THSD4: variants seen among roughly 807,000 people sequenced by gnomAD.
THSD4 encodes thrombospondin type 1 domain containing 4.
In THSD4, 69 loss-of-function variants were observed where a neutral mutation model predicts 119.0. The observed-to-expected ratio is 0.58, with a 90% CI of 0.48 to 0.71. The LOEUF (loss-of-function observed/expected upper bound fraction) is 0.71. Among genes scored for constraint, THSD4 ranks in the 30% least tolerant of loss-of-function variants. The probability of loss-of-function intolerance (pLI) is 0.00; values close to 1 mark genes in which losing one functional copy is unlikely to be tolerated. For missense variants in THSD4, 1,393 were observed against 1,391.1 expected (o/e 1.00, Z -0.02); for synonymous variants, 524 against 540.4 (o/e 0.97, Z 0.42).
chr15:71,607,563 T>C (rs1183554439), intron 7 of THSD4, among the ~76,000 whole-genome samples: 3 of 152,166 alleles, frequency 2.0e-5, no homozygotes, highest in African/African-American at 7.2e-5. Context: ...ATAAGGATTA[T>C]AATTGGGGAA....
intron 7 of THSD4, among the ~76,000 whole-genome samples, chr15:71,442,250 A>G (rs1012278341): frequency 3.3e-5 from 5 of 150,788 alleles, no homozygotes; most frequent in South Asian, 2.2e-4. Flanking sequence ...GAGCCACCGC[A>G]CCCAGCCCCT....
At chr15:71,201,756 G>A (rs950821419) in intron 3 of THSD4, among the ~76,000 whole-genome samples, 5 of 152,156 alleles carry the variant, frequency 3.3e-5, no homozygotes, top group East Asian at 1.9e-4. Flanking sequence ...TTCTTGGCTC[G>A]GAGCCAGGGG....
chr15:71,555,344 A>G (rs1432775148), intron 7 of THSD4, among the ~76,000 whole-genome samples: 1 of 152,236 alleles, frequency 6.6e-6, no homozygotes, highest in Non-Finnish European at 1.5e-5. Flanking sequence ...TTTTACTGAT[A>G]TATAAGATAT....
chr15:71,215,551 C>A, intron 4 of THSD4, 152 bp downstream of exon 4: 1 of 805,018 alleles, frequency 1.2e-6, no homozygotes, highest in Non-Finnish European at 1.8e-6. Flanking sequence ...CTCCACGAAG[C>A]TCCTTTCACC....
At chr15:71,330,067 G>A (rs1333775644) in intron 6 of THSD4, among the ~76,000 whole-genome samples, 2 of 150,238 alleles carry the variant, frequency 1.3e-5, no homozygotes, top group African/African-American at 5.0e-5. Flanking sequence ...GGGCCACAGA[G>A]CAAGACCTCG....
upstream of THSD4, chr15:71,113,801 C>A (rs1372224155): frequency 2.0e-5 from 3 of 152,146 alleles, no homozygotes; most frequent in East Asian, 1.9e-4. Flanking sequence ...CTTGTTTGAA[C>A]AAATCTTATT....
chr15:71,647,550 T>C (rs1485258379), intron 7 of THSD4, among the ~76,000 whole-genome samples: 1 of 152,262 alleles, frequency 6.6e-6, no homozygotes, highest in Non-Finnish European at 1.5e-5. Flanking sequence ...GAATTATCTT[T>C]ATTTAATTTC....
At chr15:71,118,903 C>T (rs903969716) in intron 1 of THSD4, among the ~76,000 whole-genome samples, 2 of 152,210 alleles carry the variant, frequency 1.3e-5, no homozygotes, top group African/African-American at 4.8e-5. Flanking sequence ...TCCTCCTCCG[C>T]AGGACCGCTG....
At chr15:71,266,986 A>G (rs1473963679) in intron 6 of THSD4, among the ~76,000 whole-genome samples, 1 of 152,188 alleles carries the variant, frequency 6.6e-6, no homozygotes, top group African/African-American at 2.4e-5. Flanking sequence ...CCTATGTTTG[A>G]TTGGTGTACC....
intron 8 of THSD4, among the ~76,000 whole-genome samples, chr15:71,721,371 G>C (rs760253617): frequency 6.6e-6 from 1 of 152,212 alleles, no homozygotes; most frequent in Non-Finnish European, 1.5e-5. Flanking sequence ...GCTGGGCATG[G>C]TGACGCCTAT....
intron 6 of THSD4, among the ~76,000 whole-genome samples, chr15:71,344,011 C>G (rs1007227131): frequency 6.7e-6 from 1 of 149,350 alleles, no homozygotes; most frequent in East Asian, 2.0e-4. Flanking sequence ...GGGTTACAGG[C>G]GTGAGCCACT....
intron 3 of THSD4, among the ~76,000 whole-genome samples, chr15:71,190,403 C>T (rs2043661087): frequency 1.3e-5 from 2 of 152,166 alleles, no homozygotes; most frequent in African/African-American, 2.4e-5. Flanking sequence ...GACTATTGGG[C>T]TCCCTTCCAT....
chr15:71,575,844 A>C (rs12594436), intron 7 of THSD4, among the ~76,000 whole-genome samples: 35,065 of 151,180 alleles, frequency 0.23, 4,677 homozygotes, highest in Non-Finnish European at 0.3. Flanking sequence ...AAAAAGTTAG[A>C]AAGTTGTCTG....
intron 7 of THSD4, among the ~76,000 whole-genome samples, chr15:71,572,996 A>G (rs1273138973): frequency 2.0e-5 from 3 of 152,172 alleles, no homozygotes; most frequent in Non-Finnish European, 2.9e-5. Context: ...GAGGCCTTTG[A>G]TGCCCCACCA....
At chr15:71,407,183 T>C (rs2046620405) in intron 6 of THSD4, among the ~76,000 whole-genome samples, 1 of 152,196 alleles carries the variant, frequency 6.6e-6, no homozygotes, top group Non-Finnish European at 1.5e-5. Flanking sequence ...CTGATAACCA[T>C]TCTGGAAAGC....
intron 6 of THSD4, among the ~76,000 whole-genome samples, chr15:71,378,835 G>C (rs778075032): frequency 2.0e-4 from 30 of 152,174 alleles, no homozygotes; most frequent in Non-Finnish European, 4.3e-4. Flanking sequence ...CCAGGCTGCA[G>C]TACAGTGGTG....
intron 6 of THSD4, among the ~76,000 whole-genome samples, chr15:71,326,319 G>T (rs1042994520): frequency 3.3e-5 from 5 of 152,050 alleles, no homozygotes; most frequent in African/African-American, 1.2e-4. Flanking sequence ...GAGTGTTGCT[G>T]GTCCAGAGTG....
intron 7 of THSD4, among the ~76,000 whole-genome samples, chr15:71,435,007 G>A (rs1193706213): frequency 6.6e-6 from 1 of 152,102 alleles, no homozygotes; most frequent in Non-Finnish European, 1.5e-5. Context: ...CGCTAAGACA[G>A]TTAGAAGAAA....
intron 7 of THSD4, among the ~76,000 whole-genome samples, chr15:71,654,003 A>G (rs934205251): frequency 2.6e-5 from 4 of 152,060 alleles, no homozygotes; most frequent in Admixed American, 2.6e-4. Flanking sequence ...GGGATTGGCA[A>G]TTTTTTTCTG....
Sources: gnomAD v4.1 joint callset for allele counts (sites outside exome capture counted in the v4.1 genomes callset) on GRCh38, gnomAD v4.1.1 for gene constraint, MANE v1.5 for transcripts, NCBI Gene and HGNC (gene_info 2026-07-23, HGNC 2026-07-21) for gene names.